Variants in PCDHGB3 observed in about 807,000 individuals in gnomAD.
PCDHGB3 encodes the protein protocadherin gamma subfamily B, 3, also known as protocadherin gamma-B3.
A neutral mutation model predicts 59.2 loss-of-function variants in PCDHGB3; 40 were observed. The ratio of observed to expected loss-of-function variants is 0.68; its 90% CI spans 0.52 to 0.88. The LOEUF (loss-of-function observed/expected upper bound fraction) is 0.88. PCDHGB3 is among the 40% of genes least tolerant of loss of function. The pLI is 0.00. For synonymous variants in PCDHGB3, 581 were observed against 503.6 expected (o/e 1.15, Z -2.06); for missense variants, 1,309 against 1,187.9 (o/e 1.10, Z -1.50).
At chr5:141,449,723 GA>G (rs1432635918) in intron 1 of PCDHGB3, among the ~76,000 whole-genome samples, 2 of 150,880 alleles carry the variant, frequency 1.3e-5, no homozygotes, top group Admixed American at 6.6e-5. Flanking sequence ...TATATGATAT[GA>G]TTTTTTTATG....
intron 3 of PCDHGB3, among the ~76,000 whole-genome samples, chr5:141,506,781 T>C (rs965408564): frequency 1.4e-4 from 22 of 152,168 alleles, no homozygotes; most frequent in African/African-American, 5.3e-4. Context: ...CCTGGGCTTA[T>C]AAGGAGGCTG....
chr5:141,398,866 T>C, intron 1 of PCDHGB3: 1 of 1,613,962 alleles, frequency 6.2e-7, no homozygotes, highest in Non-Finnish European at 8.5e-7. Flanking sequence ...CCGAGACGTG[T>C]ACAGAGTCAG....
intron 1 of PCDHGB3, among the ~76,000 whole-genome samples, chr5:141,379,998 C>A (rs560610207): frequency 7.1e-6 from 1 of 140,462 alleles, no homozygotes; most frequent in South Asian, 2.4e-4. Flanking sequence ...CTCCTGGGTT[C>A]AAGCGATTCT....
chr5:141,416,478 C>T (rs1186938693), intron 1 of PCDHGB3: 4 of 151,994 alleles, frequency 2.6e-5, no homozygotes, highest in Non-Finnish European at 4.4e-5. Context: ...TACATGTTCC[C>T]GAGAACAGGA....
Position 141,370,496 on chromosome 5 carries a change from C to T in PCDHGB3, c.102C>T (p.Arg34=). ...ACCAGGCTCTCTCCGAACCGATCCG[C>T]TACGCTATTCCCGAGGAGCTGGACA... ...LLDQALSEPI[R]YAIPEELDRG... is the part of the protein sequence containing the mutation. Residue 34 remains arginine (R), a synonymous_variant, in exon 1 of 4, where the codon CGC becomes CGT. Coordinates refer to ENST00000576222, the MANE Select transcript of PCDHGB3 (RefSeq NM_018924.5). 1 of 1,613,970 alleles carries T rather than the reference C, an allele frequency of 6.2e-7. No homozygotes were observed. The highest frequency in any genetic ancestry group is 8.5e-7 in the Non-Finnish European group (1 of 1,179,882).
intron 1 of PCDHGB3, among the ~76,000 whole-genome samples, chr5:141,488,133 G>T (rs1046071550): frequency 6.6e-6 from 1 of 152,198 alleles, no homozygotes; most frequent in Non-Finnish European, 1.5e-5. Context: ...AGAAAGAGGA[G>T]AGAACTAAAG....
chr5:141,436,781 A>C (rs1041532929), intron 1 of PCDHGB3, among the ~76,000 whole-genome samples: 1 of 152,236 alleles, frequency 6.6e-6, no homozygotes, highest in Admixed American at 6.5e-5. Flanking sequence ...TGTGGATGGA[A>C]ATAAAACTGT....
intron 1 of PCDHGB3, chr5:141,378,642 C>T (rs780445527): frequency 5.9e-5 from 9 of 152,098 alleles, no homozygotes; most frequent in Non-Finnish European, 1.3e-4. Context: ...AATGGGAGAA[C>T]AAATGTTAAT....
chr5:141,372,097 G>T lies in PCDHGB3; in HGVS notation c.1703G>T (p.Gly568Val). ...CCGCTGGTGCTGTACCCAGCTCTGG[G>T]GCCCGAAGGCTCTGCGCTCTTCGAT... is the stretch of plus-strand genomic sequence containing the variant. ...NAPLVLYPAL[G>V]PEGSALFDMV... The change falls in exon 1 of 4, where the codon GGG becomes GTG. Residue 568 changes from glycine to valine, a missense_variant. Transcript: ENST00000576222. The T allele has an allele frequency of 6.2e-7, 1 of 1,613,808 alleles. No individual in the cohort carries two copies. The highest frequency in any genetic ancestry group is 1.1e-5 in the South Asian group (1 of 91,084).
Position 141,476,472 on chromosome 5 carries a change from T to C in PCDHGB3, c.2416-18335T>C. On this transcript the variant is annotated intron_variant, in intron 1 of 3. Coordinates refer to ENST00000576222, the MANE Select transcript of PCDHGB3 (RefSeq NM_018924.5). The surrounding 1 kb of genome is among the most constrained non-coding windows in gnomAD (Gnocchi z 7.6). The stretch of plus-strand genomic sequence containing the variant: ...GTAGTGGAGAACCCGCTGGAGCTGT[T>C]CAGCGTGGAAGTGGTGATCCAGGAC... 1 of 1,614,098 alleles carries C rather than the reference T, an allele frequency of 6.2e-7. No homozygotes were observed. The highest frequency in any genetic ancestry group is 8.5e-7 in the Non-Finnish European group (1 of 1,180,024).
chr5:141,379,097 A>G (rs1775367339), intron 1 of PCDHGB3: 1 of 152,260 alleles, frequency 6.6e-6, no homozygotes, highest in Non-Finnish European at 1.5e-5. Context: ...ATGTGTAAGA[A>G]AAAAGCAATT....
rs1232741185 is a variant in PCDHGB3 at position 141,370,749 on chromosome 5, G to A, written c.355G>A (p.Val119Ile). 1 of 1,613,930 alleles carries A rather than the reference G, an allele frequency of 6.2e-7. No individual in the cohort carries two copies. Among genetic ancestry groups the A allele is most frequent in the Non-Finnish European group, 8.5e-7 (1 of 1,179,892 alleles). ...VAEKPLNFFH[V>I]TVLIQDINDN... Reference sequence around the variant, plus strand: ...TGAAAAGCCTTTAAACTTTTTTCATGTAACTGTGCTGATCCAGGATATTAA... The same window carrying A: ...TGAAAAGCCTTTAAACTTTTTTCATATAACTGTGCTGATCCAGGATATTAA... The change falls in exon 1 of 4, where the codon GTA (valine) becomes ATA (isoleucine). Residue 119 changes from valine to isoleucine, a missense_variant. By Grantham distance (29) the Val-to-Ile change is conservative. Coordinates refer to ENST00000576222, the MANE Select transcript of PCDHGB3 (RefSeq NM_018924.5).
intron 1 of PCDHGB3, chr5:141,375,405 A>G (rs1472795802): frequency 6.2e-7 from 1 of 1,613,932 alleles, no homozygotes; most frequent in South Asian, 1.1e-5. Context: ...ATCTCTCTAA[A>G]TGTGGCAGAC....
Position 141,432,694 on chromosome 5 carries a change from C to A in PCDHGB3, c.2415+59885C>A. 1 of 1,613,936 alleles carries A rather than the reference C, an allele frequency of 6.2e-7. No homozygotes were observed. The highest frequency in any genetic ancestry group is 8.5e-7 in the Non-Finnish European group (1 of 1,179,964). On this transcript the variant is annotated intron_variant, in intron 1 of 3. Transcript: ENST00000576222. This position sits in a 1 kb window ranked among gnomAD's most constrained non-coding sequence, Gnocchi z 6.0. Reference sequence around the variant, plus strand: ...CGCTCAAGCAGAGCCTCGTAGTGGCCGTCCAGGACCACGGCCAGCCCCCTC... The same window carrying A: ...CGCTCAAGCAGAGCCTCGTAGTGGCAGTCCAGGACCACGGCCAGCCCCCTC...
rs771088007 is a variant in PCDHGB3 at position 141,423,000 on chromosome 5, G to T, written c.2415+50191G>T. On this transcript the variant is annotated intron_variant, in intron 1 of 3. Coordinates refer to ENST00000576222, the MANE Select transcript of PCDHGB3 (RefSeq NM_018924.5). ...CGGAACCTGGCTACCTGGTGACCAA[G>T]GTGGTTGCGGTGGACAAAGATTCAG... The T allele has an allele frequency of 2.5e-6, 4 of 1,614,116 alleles. No individual in the cohort carries two copies. The African/African-American group carries it at 5.3e-5, about 22-fold the overall frequency.
intron 1 of PCDHGB3, among the ~76,000 whole-genome samples, chr5:141,437,331 A>G (rs2097876062): frequency 6.6e-6 from 1 of 152,244 alleles, no homozygotes; most frequent in Non-Finnish European, 1.5e-5. Context: ...TAAAATTTGT[A>G]GCTTCACTGT....
chr5:141,452,459 C>T (rs545368648), intron 1 of PCDHGB3, among the ~76,000 whole-genome samples: 38 of 152,246 alleles, frequency 2.5e-4, no homozygotes, highest in Middle Eastern at 6.8e-3. Context: ...TGTCAGCAGA[C>T]GGAGCTAGGA....
rs781586915 is a variant in PCDHGB3, at chr5:141,389,444, C to G, written c.2415+16635C>G. 7.0e-5 allele frequency: 112 copies of G among 1,610,446 alleles called. No homozygotes were observed. Among genetic ancestry groups the G allele is most frequent in the Middle Eastern group, 1.7e-4 (1 of 5,992 alleles). On this transcript the variant is annotated intron_variant, in intron 1 of 3. Transcript: ENST00000576222. Reference sequence around the variant, plus strand: ...TGTTCGCGCAGCGCGCCTTCGACCACGAGCAGCTGCGCGCCTTCGAACTCA... The same window carrying G: ...TGTTCGCGCAGCGCGCCTTCGACCAGGAGCAGCTGCGCGCCTTCGAACTCA...
intron 3 of PCDHGB3, among the ~76,000 whole-genome samples, chr5:141,508,937 G>T (rs764041162): frequency 3.0e-4 from 45 of 152,040 alleles, no homozygotes; most frequent in Non-Finnish European, 6.3e-4. Flanking sequence ...AGTTAATTAG[G>T]GAAAACAGAG....
Sources: allele counts gnomAD v4.1 joint callset (sites outside exome capture counted in the v4.1 genomes callset), GRCh38; gene constraint gnomAD v4.1.1; non-coding constraint Gnocchi (gnomAD v3.1); transcripts MANE v1.5; gene names NCBI Gene and HGNC (gene_info 2026-07-23, HGNC 2026-07-21).